Variants in COL11A1 observed in about 807,000 individuals in gnomAD.
COL11A1 encodes the protein collagen type XI alpha 1 chain.
COL11A1 carries 74 observed loss-of-function variants against 265.2 expected under a neutral mutation model. The ratio of observed to expected loss-of-function variants is 0.28; its 90% CI spans 0.23 to 0.34. The LOEUF (loss-of-function observed/expected upper bound fraction) is 0.34. COL11A1 is among the 10% of genes least tolerant of loss of function. COL11A1 has a pLI of 1.00. For synonymous variants in COL11A1, 816 were observed against 727.6 expected (o/e 1.12, Z -1.96); for missense variants, 2,165 against 2,263.6 (o/e 0.96, Z 0.88).
At chr1:102,895,185 A>G (rs1464639592) in intron 57 of COL11A1, among the ~76,000 whole-genome samples, 1 of 152,182 alleles carries the variant, frequency 6.6e-6, no homozygotes, top group Admixed American at 6.5e-5. Flanking sequence ...AGCAGAAATC[A>G]TTTTAAGAGT....
chr1:102,998,228 A>G, intron 25 of COL11A1, 82 bp downstream of exon 25: 1 of 1,152,682 alleles, frequency 8.7e-7, no homozygotes, highest in Non-Finnish European at 1.3e-6. Context: ...CTAACCTCAT[A>G]TAATCATTTC....
intron 31 of COL11A1, among the ~76,000 whole-genome samples, chr1:102,980,637 T>C (rs917250762): frequency 7.9e-5 from 3 of 38,216 alleles, no homozygotes; most frequent in Admixed American, 3.9e-4. Flanking sequence ...AAGCCTTGTT[T>C]GACTTGAATA....
intron 36 of COL11A1, among the ~76,000 whole-genome samples, chr1:102,972,446 T>G (rs1157809926): frequency 6.6e-6 from 1 of 152,266 alleles, no homozygotes; most frequent in African/African-American, 2.4e-5. Flanking sequence ...CTTTCCTAGA[T>G]AGACTGAGGG....
chr1:102,898,311 T>A (rs1652708805), intron 56 of COL11A1, 133 bp from the exon 57 acceptor site: 1 of 369,888 alleles, frequency 2.7e-6, no homozygotes, highest in Non-Finnish European at 4.5e-6. Context: ...ATGGAGGACA[T>A]CTACAAATAT....
At chr1:102,961,727 G>A in intron 41 of COL11A1, 139 bp downstream of exon 41, 2 of 745,236 alleles carry the variant, frequency 2.7e-6, no homozygotes, top group Non-Finnish European at 4.7e-6. Flanking sequence ...CAATTAGTGG[G>A]AACTAGGCAT....
At chr1:103,039,558 A>G (rs569296271) in intron 4 of COL11A1, among the ~76,000 whole-genome samples, 13 of 152,180 alleles carry the variant, frequency 8.5e-5, no homozygotes, top group Admixed American at 4.6e-4. Context: ...CACAGGGAGA[A>G]GACAACCATT....
intron 1 of COL11A1, among the ~76,000 whole-genome samples, chr1:103,092,465 A>G (rs1445131405): frequency 6.6e-6 from 1 of 152,188 alleles, no homozygotes; most frequent in Non-Finnish European, 1.5e-5. Flanking sequence ...TCTTATGCAC[A>G]CAAACACAGA....
intron 11 of COL11A1, among the ~76,000 whole-genome samples, chr1:103,016,675 A>T (rs2101909418): frequency 6.6e-6 from 1 of 152,100 alleles, no homozygotes; most frequent in East Asian, 1.9e-4. Flanking sequence ...ATTTCTCATA[A>T]AAAGTTAACT....
chr1:103,041,872 A>T (rs1176072651), intron 4 of COL11A1, among the ~76,000 whole-genome samples: 5 of 151,946 alleles, frequency 3.3e-5, no homozygotes, highest in Non-Finnish European at 7.4e-5. Context: ...TTTTGGAAAA[A>T]CTGTATTTTG....
At position 102,912,278 on chromosome 1, in the gene COL11A1, A is replaced by G. The variant is rs982584450; in HGVS notation, c.4033-66T>C. 3.0e-6 allele frequency: 4 copies of G among 1,324,508 alleles called. No individual in the cohort carries two copies. In the African/African-American group the frequency reaches 5.9e-5, roughly 20 times the overall value. The allele number at this position is 1,324,508 out of a possible 1,614,324, so 82.0% of individuals were successfully genotyped here. ...TATTTTGTGGCCCACATAAATTTTC[A>G]AAATCTGGATGGAAACCAACCCTCT... On this transcript the variant is annotated intron_variant, in intron 53 of 66. Coordinates refer to ENST00000370096, the MANE Select transcript of COL11A1 (RefSeq NM_001854.4).
At position 103,017,805 on chromosome 1, in the gene COL11A1, T is replaced by G. The variant is rs770531544; in HGVS notation, c.1413+15A>C. The G allele has an allele frequency of 3.1e-6, 5 of 1,606,340 alleles. No individual in the cohort carries two copies. The African/African-American group carries it at 6.7e-5, about 21-fold the overall frequency. On this transcript the variant is annotated intron_variant, in intron 11 of 66. Coordinates refer to ENST00000370096, the MANE Select transcript of COL11A1 (RefSeq NM_001854.4). ...GACATGCATTTGTAATGAGATATCA[T>G]GTCCATTCACTTACCCTATCGCCAG...
At chr1:103,075,043 G>A (rs1341774031) in intron 3 of COL11A1, among the ~76,000 whole-genome samples, 2 of 152,080 alleles carry the variant, frequency 1.3e-5, no homozygotes, top group East Asian at 3.9e-4. Context: ...CCCATCCTTT[G>A]CTTCACTTTG....
At chr1:102,962,446 A>G (rs1425241394) in intron 39 of COL11A1, among the ~76,000 whole-genome samples, 181 bp from the exon 40 acceptor site, 1 of 152,204 alleles carries the variant, frequency 6.6e-6, no homozygotes, top group Non-Finnish European at 1.5e-5. Context: ...TTAACGTTAC[A>G]TATATATTAA....
intron 1 of COL11A1, among the ~76,000 whole-genome samples, chr1:103,101,928 G>A (rs369808644): frequency 4.0e-5 from 6 of 151,858 alleles, no homozygotes; most frequent in African/African-American, 9.7e-5. Context: ...AATTCCATGC[G>A]CAGCAAGCAA....
chr1:102,969,964 G>T (rs1661799408), intron 37 of COL11A1, among the ~76,000 whole-genome samples: 1 of 151,942 alleles, frequency 6.6e-6, no homozygotes, highest in African/African-American at 2.4e-5. Context: ...TTCTCCATCA[G>T]CTCATCCTTA....
At chr1:102,990,835 C>A (rs527801014) in intron 28 of COL11A1, among the ~76,000 whole-genome samples, 1 of 152,056 alleles carries the variant, frequency 6.6e-6, no homozygotes, top group Admixed American at 6.6e-5. Context: ...GAGTTCGAGA[C>A]CAGCCTGGCC....
At position 103,049,052 on chromosome 1, in the gene COL11A1, G is replaced by A. The variant is rs190403092; in HGVS notation, c.652-17808C>T. ...TCAATTTTGGAATAGGTGTGGTGTG[G>A]TGCTGAGAAGAATGTATATGCTGTT... On this transcript the variant is annotated intron_variant, in intron 4 of 66. Transcript: ENST00000370096. 7.3e-4 allele frequency among the ~76,000 whole-genome samples: 111 copies of A among 152,300 alleles called. 1 individual carries two copies. The highest frequency in any genetic ancestry group is 2.6e-3 in the African/African-American group (107 of 41,568).
chr1:103,008,400 G>C (rs556635139), intron 15 of COL11A1, 63 bp downstream of exon 15: 1 of 1,366,740 alleles, frequency 7.3e-7, no homozygotes. Context: ...ATGCATTCTC[G>C]AAGGAATTAT....
chr1:102,952,681 C>T (rs894734198), intron 41 of COL11A1, among the ~76,000 whole-genome samples: 2 of 152,190 alleles, frequency 1.3e-5, no homozygotes, highest in Admixed American at 1.3e-4. Flanking sequence ...CAAACACTCT[C>T]AAAGCCTAGA....
Sources: allele counts gnomAD v4.1 joint callset (sites outside exome capture counted in the v4.1 genomes callset), GRCh38; gene constraint gnomAD v4.1.1; transcripts MANE v1.5; gene names NCBI Gene and HGNC (gene_info 2026-07-23, HGNC 2026-07-21).